Variants in ADGRB3 observed in about 807,000 individuals in gnomAD.
The protein encoded by ADGRB3 is brain-specific angiogenesis inhibitor 3.
A neutral mutation model predicts 193.4 loss-of-function variants in ADGRB3; 37 were observed. The ratio of observed to expected loss-of-function variants is 0.19; its 90% CI spans 0.15 to 0.25. ADGRB3 has a LOEUF of 0.25. ADGRB3 is among the 10% of genes least tolerant of loss of function. ADGRB3 has a pLI of 1.00. For synonymous variants in ADGRB3, 690 were observed against 644.2 expected, an observed-to-expected ratio of 1.07 and a Z score of -1.08; for missense variants, 1,637 against 1,852.9, an observed-to-expected ratio of 0.88 and a Z score of 2.14.
intron 3 of ADGRB3, among the ~76,000 whole-genome samples, chr6:68,823,355 C>T (rs186063179): frequency 1.3e-5 from 2 of 151,760 alleles, no homozygotes; most frequent in Admixed American, 1.3e-4. Flanking sequence ...CAAGGTTTCC[C>T]ATCATATGTT....
intron 13 of ADGRB3, among the ~76,000 whole-genome samples, chr6:69,031,551 T>TTC (rs371280892): frequency 0.069 from 919 of 13,394 alleles, 21 homozygotes; most frequent in African/African-American, 0.13. Flanking sequence ...CTTTCTTTCT[T>TTC]TTTCTTTCTT....
At position 68,766,919 on chromosome 6, in the gene ADGRB3, T is replaced by C. The variant is rs529028001; in HGVS notation, c.757+127487T>C. ...AGACAATAATTCATTTGTAACATAC[T>C]GGTTTTTCATCCATGGTTCTCAAAA... On this transcript the variant is annotated intron_variant, in intron 3 of 31. Coordinates refer to ENST00000370598, the MANE Select transcript of ADGRB3 (RefSeq NM_001704.3). Among the ~76,000 whole-genome samples the C allele has an allele frequency of 2.0e-5, 3 of 152,244 alleles. No individual in the cohort carries two copies. In the South Asian group the frequency reaches 6.2e-4, roughly 32 times the overall value.
Position 69,372,531 on chromosome 6 carries a change from TG to T in ADGRB3, c.4275+91del, listed in dbSNP as rs1039493534. ...TAAAAATTATTACTCTATGCAGCCA[TG>T]TAAGGGTATTATGTACTAATTTAAT... On this transcript the variant is annotated intron_variant, in intron 30 of 31. Transcript: ENST00000370598. The T allele has an allele frequency of 1.4e-4, 79 of 576,816 alleles. No individual in the cohort carries two copies. The Middle Eastern group carries it at 2.4e-3, about 18-fold the overall frequency. The allele number at this position is 576,816 out of a possible 1,614,324, so 35.7% of individuals were successfully genotyped here.
intron 3 of ADGRB3, among the ~76,000 whole-genome samples, chr6:68,889,043 A>G (rs183751369): frequency 1.7e-4 from 26 of 152,326 alleles, no homozygotes; most frequent in African/African-American, 6.0e-4. Context: ...GTCATGTTAG[A>G]AAGTACTTAA....
intron 3 of ADGRB3, among the ~76,000 whole-genome samples, chr6:68,744,788 G>A (rs1448689764): frequency 1.3e-5 from 2 of 152,076 alleles, no homozygotes; most frequent in African/African-American, 4.8e-5. Context: ...CCTAATGTAG[G>A]TTGTGGGTTG....
intron 3 of ADGRB3, among the ~76,000 whole-genome samples, chr6:68,863,227 T>TTTCAGAGA (rs1765204142): frequency 6.6e-6 from 1 of 152,058 alleles, no homozygotes; most frequent in Admixed American, 6.5e-5. Context: ...CTATTTGGAT[T>TTTCAGAGA]TTCAGAGATA....
At chr6:68,952,286 A>G (rs1295969949) in intron 6 of ADGRB3, among the ~76,000 whole-genome samples, 1 of 152,110 alleles carries the variant, frequency 6.6e-6, no homozygotes, top group East Asian at 1.9e-4. Flanking sequence ...TAAAAATAAA[A>G]CAATGTCTCA....
At chr6:69,329,163 G>C (rs1327832717) in intron 22 of ADGRB3, among the ~76,000 whole-genome samples, 1 of 151,998 alleles carries the variant, frequency 6.6e-6, no homozygotes, top group Non-Finnish European at 1.5e-5. Flanking sequence ...AAATTACAGT[G>C]GGAATTTAGT....
chr6:69,345,384 A>T (rs1009772895), intron 26 of ADGRB3, among the ~76,000 whole-genome samples: 1 of 152,208 alleles, frequency 6.6e-6, no homozygotes, highest in Non-Finnish European at 1.5e-5. Context: ...CCAACAGCAC[A>T]TCAAAAAACT....
intron 3 of ADGRB3, among the ~76,000 whole-genome samples, chr6:68,793,926 C>T (rs1767156090): frequency 6.6e-6 from 1 of 152,144 alleles, no homozygotes; most frequent in African/African-American, 2.4e-5. Context: ...TGTATTAAAT[C>T]TGCAAACTGT....
chr6:68,923,299 A>C (rs1427270368), intron 3 of ADGRB3, among the ~76,000 whole-genome samples: 1 of 152,106 alleles, frequency 6.6e-6, no homozygotes, highest in Admixed American at 6.6e-5. Context: ...TGTAAAAGAC[A>C]GAAGAAACCC....
intron 20 of ADGRB3, among the ~76,000 whole-genome samples, chr6:69,252,735 A>G (rs1318354695): frequency 2.0e-5 from 3 of 152,036 alleles, no homozygotes; most frequent in Non-Finnish European, 4.4e-5. Flanking sequence ...AATTTTTCCT[A>G]TAGCTAGTGT....
At chr6:68,719,088 T>C (rs1488368198) in intron 3 of ADGRB3, among the ~76,000 whole-genome samples, 1 of 151,816 alleles carries the variant, frequency 6.6e-6, no homozygotes, top group Non-Finnish European at 1.5e-5. Flanking sequence ...TTATAAGTTA[T>C]ATAAAGTAAT....
At chr6:69,085,483 A>G (rs1279260945) in intron 17 of ADGRB3, among the ~76,000 whole-genome samples, 1 of 151,966 alleles carries the variant, frequency 6.6e-6, no homozygotes, top group African/African-American at 2.4e-5. Context: ...CTGTGGTTCT[A>G]TTTTGAAAAG....
chr6:68,924,796 G>A (rs2150243797), intron 3 of ADGRB3, among the ~76,000 whole-genome samples: 1 of 151,930 alleles, frequency 6.6e-6, no homozygotes, highest in South Asian at 2.1e-4. Flanking sequence ...TTTGGGAATG[G>A]AACCAAGAAA....
At chr6:68,670,640 C>T (rs1768928862) in intron 3 of ADGRB3, among the ~76,000 whole-genome samples, 1 of 151,882 alleles carries the variant, frequency 6.6e-6, no homozygotes, top group Admixed American at 6.6e-5. Context: ...ATGCCAGTAC[C>T]ATGCTGTTTT....
chr6:68,652,225 G>A (rs1043927571), intron 3 of ADGRB3, among the ~76,000 whole-genome samples: 1 of 152,024 alleles, frequency 6.6e-6, no homozygotes, highest in Non-Finnish European at 1.5e-5. Flanking sequence ...TGTCTGGTAG[G>A]CATTTGCAAT....
chr6:69,239,133 C>T lies in ADGRB3; in HGVS notation c.2721C>T (p.Arg907=), dbSNP rs1268159479. 1.7e-5 allele frequency: 27 copies of T among 1,590,670 alleles called. No individual in the cohort carries two copies. The highest frequency in any genetic ancestry group is 2.2e-5 in the Non-Finnish European group (26 of 1,160,044). The change falls in exon 20 of 32, where the codon CGC becomes CGT. Residue 907 remains arginine, a synonymous_variant. Transcript: ENST00000370598. ...TTCTCTCTCTGGCTAGGTACATACGCTCTGAGAGATCCATAATACTAATTA... is the reference window on the plus strand; with the variant it reads ...TTCTCTCTCTGGCTAGGTACATACGTTCTGAGAGATCCATAATACTAATTA... ...VVYAALWRYI[R]SERSIILINF... is the part of the protein sequence containing the mutation.
chr6:69,183,928 T>C (rs772296655), intron 17 of ADGRB3, among the ~76,000 whole-genome samples: 15 of 152,206 alleles, frequency 9.9e-5, no homozygotes, highest in South Asian at 4.1e-4. Context: ...ATTATAATTA[T>C]TATTATGGAA....
Sources: gnomAD v4.1 joint callset for allele counts (sites outside exome capture counted in the v4.1 genomes callset) on GRCh38, gnomAD v4.1.1 for gene constraint, MANE v1.5 for transcripts, NCBI Gene and HGNC (gene_info 2026-07-23, HGNC 2026-07-21) for gene names.